TRDN: variants seen among roughly 807,000 people sequenced by gnomAD.
The protein encoded by TRDN is triadin.
In TRDN, 161 loss-of-function variants were observed where a neutral mutation model predicts 149.7. That is an observed-to-expected ratio of 1.08 (90% confidence interval 0.95 to 1.23). The LOEUF (loss-of-function observed/expected upper bound fraction) is 1.23. TRDN is among the 50% of genes most tolerant of loss of function. The pLI is 0.00. For synonymous variants in TRDN, 294 were observed against 250.5 expected (o/e 1.17, Z -1.64); for missense variants, 896 against 823.5 (o/e 1.09, Z -1.08).
At chr6:123,585,550 C>CA (rs1225242264) in intron 1 of TRDN, among the ~76,000 whole-genome samples, 5 of 152,182 alleles carry the variant, frequency 3.3e-5, no homozygotes, top group African/African-American at 7.2e-5. Flanking sequence ...TGGGCAGCGT[C>CA]AGTCTTCAGC....
chr6:123,426,382 C>T (rs2114558048), intron 12 of TRDN, among the ~76,000 whole-genome samples: 1 of 152,204 alleles, frequency 6.6e-6, no homozygotes, highest in South Asian at 2.1e-4. Context: ...AATCACCAGG[C>T]ATTCTTTCAA....
chr6:123,420,384 ATTT>A (rs755955611), intron 12 of TRDN, among the ~76,000 whole-genome samples: 226 of 105,412 alleles, frequency 2.1e-3, no homozygotes, highest in Admixed American at 6.2e-3. Context: ...AGATGCAAGG[ATTT>A]TTTTAAAAAA....
intron 24 of TRDN, 71 bp from the exon 25 acceptor site, chr6:123,279,153 GATATA>G: frequency 8.4e-7 from 1 of 1,195,900 alleles, no homozygotes; most frequent in Non-Finnish European, 1.2e-6. Context: ...TATTGAATAT[GATATA>G]ATATATTTGA....
intron 24 of TRDN, among the ~76,000 whole-genome samples, chr6:123,301,745 A>G (rs1292543704): frequency 2.1e-5 from 2 of 96,736 alleles, no homozygotes; most frequent in Admixed American, 1.2e-4. Context: ...ATGTATGTAT[A>G]TATATACATA....
chr6:123,440,135 C>CT (rs1057059895), intron 10 of TRDN, among the ~76,000 whole-genome samples: 4 of 152,106 alleles, frequency 2.6e-5, no homozygotes, highest in Admixed American at 6.6e-5. Flanking sequence ...AGGTATAGAG[C>CT]TTTTTTACCT....
At chr6:123,537,705 A>C (rs1008891616) in intron 4 of TRDN, among the ~76,000 whole-genome samples, 1 of 152,238 alleles carries the variant, frequency 6.6e-6, no homozygotes, top group African/African-American at 2.4e-5. Context: ...ACTGGGAAGA[A>C]AGGCCACAGG....
At chr6:123,235,602 C>T (rs1486271428) in intron 38 of TRDN, among the ~76,000 whole-genome samples, 1 of 152,044 alleles carries the variant, frequency 6.6e-6, no homozygotes, top group African/African-American at 2.4e-5. Flanking sequence ...TTGAGTTTTT[C>T]AGTGCAAACT....
intron 24 of TRDN, among the ~76,000 whole-genome samples, chr6:123,289,923 G>GA (rs1777942002): frequency 6.6e-6 from 1 of 152,056 alleles, no homozygotes; most frequent in Admixed American, 6.6e-5. Context: ...GTGAGAGACA[G>GA]AAAAAAAGTT....
At chr6:123,548,146 A>C (rs1350113224) in intron 3 of TRDN, among the ~76,000 whole-genome samples, 2 of 152,056 alleles carry the variant, frequency 1.3e-5, no homozygotes, top group African/African-American at 4.8e-5. Context: ...GAAGCATATA[A>C]ATGTGAGTTT....
chr6:123,540,439 T>TAA (rs796782471), intron 4 of TRDN, among the ~76,000 whole-genome samples: 75 of 145,804 alleles, frequency 5.1e-4, no homozygotes, highest in African/African-American at 1.8e-3. Flanking sequence ...ATAACATGAT[T>TAA]AAAAAAAAAA....
At position 123,501,304 on chromosome 6, in the gene TRDN, A is replaced by G. The variant is rs1176137608; in HGVS notation, c.793+2415T>C. Among the ~76,000 whole-genome samples the G allele has an allele frequency of 2.6e-5, 4 of 151,558 alleles. No homozygotes were observed. The East Asian group carries it at 7.7e-4, about 29-fold the overall frequency. On this transcript the variant is annotated intron_variant, in intron 8 of 40. Transcript: ENST00000334268. ...ACCTATGAGCCTTATTTCTTTAAAA[A>G]GAAGTATTTAGAAATCTATATGAAA... is the stretch of plus-strand genomic sequence containing the variant.
At chr6:123,631,375 C>T (rs1785997034) in intron 1 of TRDN, among the ~76,000 whole-genome samples, 3 of 151,942 alleles carry the variant, frequency 2.0e-5, no homozygotes, top group South Asian at 2.1e-4. Context: ...CAGGTTTTCC[C>T]ATGACCTATC....
At chr6:123,456,144 A>C (rs1435007834) in intron 10 of TRDN, among the ~76,000 whole-genome samples, 1 of 152,208 alleles carries the variant, frequency 6.6e-6, no homozygotes, top group African/African-American at 2.4e-5. Context: ...TTGACTTTAA[A>C]ATAAAAAATT....
chr6:123,377,995 C>T (rs944192274), intron 16 of TRDN, 97 bp from the exon 17 acceptor site: 3 of 814,624 alleles, frequency 3.7e-6, no homozygotes, highest in Admixed American at 3.0e-5. Flanking sequence ...CATGCATGTG[C>T]TGATGCCAGA....
intron 23 of TRDN, among the ~76,000 whole-genome samples, chr6:123,328,984 C>T (rs1284999763): frequency 2.6e-5 from 4 of 152,088 alleles, no homozygotes; most frequent in African/African-American, 4.8e-5. Flanking sequence ...CATATGGTTA[C>T]GGCTTTTAAA....
chr6:123,577,699 CT>C (rs1280659373), intron 1 of TRDN, among the ~76,000 whole-genome samples: 1 of 152,100 alleles, frequency 6.6e-6, no homozygotes, highest in Non-Finnish European at 1.5e-5. Context: ...GTTTTTAGTT[CT>C]TTGAGGAATC....
chr6:123,473,315 G>A (rs1221839435), intron 9 of TRDN, among the ~76,000 whole-genome samples: 7 of 152,210 alleles, frequency 4.6e-5, no homozygotes, highest in East Asian at 3.9e-4. Flanking sequence ...CTCAGGAGCC[G>A]ATGCGATCAA....
At chr6:123,333,476 A>G (rs941481607) in intron 22 of TRDN, among the ~76,000 whole-genome samples, 3 of 152,100 alleles carry the variant, frequency 2.0e-5, no homozygotes, top group African/African-American at 7.2e-5. Flanking sequence ...TCAGAAAATA[A>G]AAGTGATTTC....
At chr6:123,458,188 A>G (rs1043448210) in intron 10 of TRDN, among the ~76,000 whole-genome samples, 2 of 152,294 alleles carry the variant, frequency 1.3e-5, no homozygotes, top group Non-Finnish European at 2.9e-5. Flanking sequence ...GGGGCCTGTT[A>G]TACCCTTTTC....
Sources: gnomAD v4.1 joint callset for allele counts (sites outside exome capture counted in the v4.1 genomes callset) on GRCh38, gnomAD v4.1.1 for gene constraint, MANE v1.5 for transcripts, NCBI Gene and HGNC (gene_info 2026-07-23, HGNC 2026-07-21) for gene names.